Variants in RIPK4 observed in about 807,000 individuals in gnomAD.
RIPK4 encodes the protein receptor interacting serine/threonine kinase 4.
Under a neutral mutation model 42.9 loss-of-function variants are expected in RIPK4, and 17 were observed. That is an observed-to-expected ratio of 0.40 (90% CI 0.27 to 0.59). RIPK4 has a LOEUF of 0.59. RIPK4 is among the 20% of genes least tolerant of loss of function. The probability of loss-of-function intolerance (pLI) is 0.47; values close to 1 mark genes in which losing one functional copy is unlikely to be tolerated. For missense variants in RIPK4, 897 were observed against 1,104.4 expected (o/e 0.81, Z 2.66); for synonymous variants, 498 against 499.1 (o/e 1.00, Z 0.03).
chr21:41,764,335 G>A lies in RIPK4; in HGVS notation c.182+2525C>T, dbSNP rs1483142541. On this transcript the variant is annotated intron_variant, in intron 1 of 7. Coordinates refer to ENST00000332512, the MANE Select transcript of RIPK4 (RefSeq NM_020639.3). ...CTTGAGAGGCAAGCAGCGTTGGCCA[G>A]TGAAAATCAGCCTCACCTGCACCTG... 4.6e-5 allele frequency among the ~76,000 whole-genome samples: 7 copies of A among 152,208 alleles called. No homozygotes were observed. In the South Asian group the frequency reaches 8.3e-4, roughly 18 times the overall value.
At chr21:41,759,992 A>G (rs1310581063) in intron 1 of RIPK4, among the ~76,000 whole-genome samples, 2 of 152,208 alleles carry the variant, frequency 1.3e-5, no homozygotes, top group African/African-American at 4.8e-5. Flanking sequence ...CTGGTTCTCA[A>G]TTAGAGGCAA....
intron 1 of RIPK4, among the ~76,000 whole-genome samples, chr21:41,763,830 G>A (rs963012208): frequency 6.6e-6 from 1 of 152,208 alleles, no homozygotes; most frequent in Non-Finnish European, 1.5e-5. Flanking sequence ...CTCCCAGCCG[G>A]CGCCCCGCAG....
In RIPK4 at chr21:41,744,054, A is replaced by C. The variant is rs373961570; in HGVS notation, c.1023T>G (p.Ser341=). 1 of 1,612,918 alleles carries C rather than the reference A, an allele frequency of 6.2e-7. No homozygotes were observed. The highest frequency in any genetic ancestry group is 1.3e-5 in the African/African-American group (1 of 74,922). ...GGCCCTCGACAGCCTGGGAAACTCC[A>C]GAGTCCAGCTGTGAGAGCAGCTCGG... ...SLSELLSQLD[S]GVSQAVEGPE... The change falls in exon 7 of 8, where the codon TCT becomes TCG. Residue 341 remains serine, a synonymous_variant. Coordinates refer to ENST00000332512, the MANE Select transcript of RIPK4 (RefSeq NM_020639.3).
intron 1 of RIPK4, among the ~76,000 whole-genome samples, chr21:41,766,306 ATAAT>A (rs1453548375): frequency 6.6e-6 from 1 of 152,198 alleles, no homozygotes; most frequent in African/African-American, 2.4e-5. Context: ...TCCGACCGAA[ATAAT>A]TACAGTCTTA....
rs759122850 is a variant in RIPK4, at chr21:41,741,192, G to C, written c.2001C>G (p.Thr667=). ...GGTGCAGAGCGGTGTAGCCGTCTGA[G>C]GTCATGGCCTCCTTGCCAGCGCCCC... ...LHRGAGKEAM[T]SDGYTALHLA... The change falls in exon 8 of 8, where the codon ACC becomes ACG. Residue 667 remains threonine (T), a synonymous_variant. Coordinates refer to ENST00000332512, the MANE Select transcript of RIPK4 (RefSeq NM_020639.3). 7 of 1,611,284 alleles carry C rather than the reference G, an allele frequency of 4.3e-6. No individual in the cohort carries two copies. The highest frequency in any genetic ancestry group is 1.7e-6 in the Non-Finnish European group (2 of 1,179,146).
chr21:41,753,411 G>A (rs1446762261), intron 2 of RIPK4, among the ~76,000 whole-genome samples: 5 of 152,124 alleles, frequency 3.3e-5, no homozygotes, highest in South Asian at 2.1e-4. Flanking sequence ...AAAAGAAAAC[G>A]AGCAGAAATT....
intron 1 of RIPK4, among the ~76,000 whole-genome samples, chr21:41,763,413 G>T (rs184666661): frequency 1.3e-5 from 2 of 152,118 alleles, no homozygotes; most frequent in East Asian, 3.9e-4. Context: ...GGCCAGCTGC[G>T]GTTTCCCCTG....
chr21:41,758,457 C>T (rs1010339661), intron 1 of RIPK4, among the ~76,000 whole-genome samples: 1 of 152,196 alleles, frequency 6.6e-6, no homozygotes, highest in East Asian at 1.9e-4. Context: ...TTCATCTGTT[C>T]GTGGGTGCAG....
In RIPK4 at chr21:41,758,021, A is replaced by AAAAT. The variant is rs1555910478; in HGVS notation, c.183-1206_183-1205insATTT. Among the ~76,000 whole-genome samples the AAAAT allele has an allele frequency of 8.2e-4, 42 of 51,326 alleles. 1 individual carries two copies. The highest frequency in any genetic ancestry group is 1.5e-3 in the East Asian group (3 of 2,020). The allele number at this position is 51,326 out of a possible 152,430, so 33.7% of individuals were successfully genotyped here. On this transcript the variant is annotated intron_variant, in intron 1 of 7. Transcript: ENST00000332512. ...AACAAAAAAAAAAAAAAAAAAAAAA[A>AAAAT]ATATATATATATATATATATAGAGA...
intron 1 of RIPK4, 151 bp downstream of exon 1, chr21:41,766,709 G>A (rs1427173153): frequency 2.4e-6 from 2 of 817,296 alleles, no homozygotes; most frequent in East Asian, 3.0e-5. Context: ...CATTGTCGGA[G>A]CCCCGCGGCC....
intron 2 of RIPK4, among the ~76,000 whole-genome samples, chr21:41,753,469 C>G (rs1010790783): frequency 1.1e-4 from 16 of 152,116 alleles, no homozygotes; most frequent in Admixed American, 9.8e-4. Flanking sequence ...ATTGAGAATT[C>G]TAGGAGGGTC....
In RIPK4 at chr21:41,746,632, T is replaced by G. The variant is rs772122950; in HGVS notation, c.813A>C (p.Arg271=). The G allele has an allele frequency of 2.5e-6, 4 of 1,610,334 alleles. No homozygotes were observed. The highest frequency in any genetic ancestry group is 3.4e-6 in the Non-Finnish European group (4 of 1,179,718). The part of the protein sequence containing the change: ...LMQRCWQGDP[R]VRPTFQEITS... Reference sequence around the variant, plus strand: ...GCTCACCTTGGAAGGTGGGCCTAACTCGCGGATCCCCCTGCCAGCACCGCT... The same window carrying G: ...GCTCACCTTGGAAGGTGGGCCTAACGCGCGGATCCCCCTGCCAGCACCGCT... The change falls in exon 5 of 8, where the codon CGA becomes CGC. Residue 271 remains arginine, a synonymous_variant. Coordinates refer to ENST00000332512, the MANE Select transcript of RIPK4 (RefSeq NM_020639.3).
chr21:41,744,637 A>C lies in RIPK4; in HGVS notation c.937-497T>G, dbSNP rs150898473. ...CAAAAGGCAGGCGGTGTCAAGCTGC[A>C]GAATGTGAGGCATGTATGGCGGGAC... On this transcript the variant is annotated intron_variant, in intron 6 of 7. Transcript: ENST00000332512. Among the ~76,000 whole-genome samples, 448 of 152,360 alleles carry C rather than the reference A, an allele frequency of 2.9e-3. 4 individuals are homozygous for C. The highest frequency in any genetic ancestry group is 0.01 in the African/African-American group (430 of 41,592).
intron 2 of RIPK4, among the ~76,000 whole-genome samples, chr21:41,754,779 C>G (rs753301523): frequency 8.5e-5 from 13 of 152,312 alleles, no homozygotes; most frequent in Admixed American, 3.9e-4. Context: ...GGCCACACAC[C>G]CTGCCCCCAA....
intron 1 of RIPK4, among the ~76,000 whole-genome samples, chr21:41,761,507 T>A (rs1382320068): frequency 2.0e-5 from 3 of 151,874 alleles, no homozygotes; most frequent in Non-Finnish European, 4.4e-5. Flanking sequence ...CTCCGGACAC[T>A]CTGCCCCGGG....
intron 4 of RIPK4, 56 bp downstream of exon 4, chr21:41,749,098 C>T: frequency 6.4e-7 from 1 of 1,560,554 alleles, no homozygotes; most frequent in Non-Finnish European, 8.8e-7. Flanking sequence ...ACAAGGTGTC[C>T]CCCCATTATT....
Position 41,740,659 on chromosome 21 carries a change from C to T in RIPK4, c.*179G>A, listed in dbSNP as rs1248888619. ...CGGGCATGTGCACCTGAGCCAGCTT[C>T]ACCTGGAGGGGACACTCCGGTCAGC... On this transcript the variant is annotated 3_prime_UTR_variant, in exon 8 of 8. Transcript: ENST00000332512. 2 of 631,730 alleles carry T rather than the reference C, an allele frequency of 3.2e-6. No homozygotes were observed. Among genetic ancestry groups the T allele is most frequent in the Admixed American group, 3.1e-5 (1 of 32,066 alleles). The allele number at this position is 631,730 out of a possible 1,614,324, so 39.1% of individuals were successfully genotyped here. A position where few individuals can be genotyped will look rare whatever the true frequency, so the allele number is the denominator to read the frequency against.
At chr21:41,744,169 GA>G in intron 6 of RIPK4, 29 bp from the exon 7 acceptor site, 1 of 1,548,154 alleles carries the variant, frequency 6.5e-7, no homozygotes, top group Non-Finnish European at 8.7e-7. Context: ...GGGGGTGGGT[GA>G]AGACCCTGCC....
chr21:41,749,366 A>G (rs1437305866), intron 3 of RIPK4, among the ~76,000 whole-genome samples, 163 bp from the exon 4 acceptor site: 1 of 152,198 alleles, frequency 6.6e-6, no homozygotes, highest in East Asian at 1.9e-4. Flanking sequence ...AAAATTCTCT[A>G]TAGTGAAGCC....
Sources: allele counts gnomAD v4.1 joint callset (sites outside exome capture counted in the v4.1 genomes callset), GRCh38; gene constraint gnomAD v4.1.1; transcripts MANE v1.5; gene names NCBI Gene and HGNC (gene_info 2026-07-23, HGNC 2026-07-21).